Variants in PTPRN2 observed in about 807,000 individuals in gnomAD.
PTPRN2 encodes the protein protein tyrosine phosphatase receptor type N2.
A neutral mutation model predicts 118.8 loss-of-function variants in PTPRN2; 74 were observed. The observed-to-expected ratio is 0.62, with a 90% CI of 0.52 to 0.76. The LOEUF (loss-of-function observed/expected upper bound fraction) is 0.76, where lower values mean the gene tolerates loss of function less well. Ranked by LOEUF, PTPRN2 falls within the 30% of genes least tolerant of loss-of-function variation. PTPRN2 has a pLI of 0.00. For missense variants in PTPRN2, 1,481 were observed against 1,394.4 expected (o/e 1.06, Z -0.99); for synonymous variants, 641 against 608.0 (o/e 1.05, Z -0.80).
chr7:157,746,299 C>A (rs186824438), intron 12 of PTPRN2, among the ~76,000 whole-genome samples: 4 of 151,932 alleles, frequency 2.6e-5, no homozygotes, highest in African/African-American at 9.7e-5. Flanking sequence ...CTCCCCTAGA[C>A]CCTACAGTCC....
At chr7:157,917,916 T>C (rs1367162215) in intron 11 of PTPRN2, among the ~76,000 whole-genome samples, 1 of 152,194 alleles carries the variant, frequency 6.6e-6, no homozygotes, top group Non-Finnish European at 1.5e-5. Context: ...CACGATGTAA[T>C]TGGCTTTCCC....
At chr7:157,947,868 G>T (rs772171067) in intron 11 of PTPRN2, among the ~76,000 whole-genome samples, 2 of 152,232 alleles carry the variant, frequency 1.3e-5, no homozygotes, top group East Asian at 1.9e-4. Context: ...TTTTTCACCA[G>T]AAACCATGGA....
chr7:157,810,503 T>A (rs1244602088), intron 12 of PTPRN2, among the ~76,000 whole-genome samples: 1 of 105,180 alleles, frequency 9.5e-6, no homozygotes, highest in African/African-American at 3.7e-5. Context: ...AGGGTCTCCA[T>A]GGGGACGGCG....
At chr7:158,505,566 T>C (rs1822681672) in intron 1 of PTPRN2, among the ~76,000 whole-genome samples, 1 of 152,228 alleles carries the variant, frequency 6.6e-6, no homozygotes, top group Non-Finnish European at 1.5e-5. Context: ...AATCCTGAGC[T>C]GTAACACAAA....
chr7:158,019,485 C>T lies in PTPRN2; in HGVS notation c.1723+61813G>A, dbSNP rs116414968. Among the ~76,000 whole-genome samples, 298 of 152,362 alleles carry T rather than the reference C, an allele frequency of 2.0e-3. 2 individuals carry two copies. The highest frequency in any genetic ancestry group is 6.9e-3 in the African/African-American group (287 of 41,584). On this transcript the variant is annotated intron_variant, in intron 11 of 22. Transcript: ENST00000389418. ...GCGGTAGAGGCCAGGGATGGGGCTG[C>T]ACAGGATGCCCACAAGGCCTCGTGA...
intron 10 of PTPRN2, among the ~76,000 whole-genome samples, chr7:158,102,240 C>A (rs972403439): frequency 6.6e-6 from 1 of 152,214 alleles, no homozygotes; most frequent in African/African-American, 2.4e-5. Flanking sequence ...CCACGGCCTT[C>A]CACGTGCTGG....
rs1286299359 is a variant in PTPRN2, at chr7:158,340,736, G to A, written c.164-23804C>T. 1.0e-4 allele frequency among the ~76,000 whole-genome samples: 6 copies of A among 59,940 alleles called. No individual in the cohort carries two copies. The South Asian group carries it at 2.8e-3, about 28-fold the overall frequency. The allele number at this position is 59,940 out of a possible 152,430, so 39.3% of individuals were successfully genotyped here. On this transcript the variant is annotated intron_variant, in intron 2 of 22. Coordinates refer to ENST00000389418, the MANE Select transcript of PTPRN2 (RefSeq NM_002847.5). The stretch of plus-strand genomic sequence containing the variant: ...CTCACACCCACACTCACCATAAGAG[G>A]TGACACATGCAGACGTCACACACAC...
In PTPRN2 at chr7:158,440,872, TTGG is replaced by T. The variant is rs762158217; in HGVS notation, c.163+48860_163+48862del. ...GGGGGTGGTGGTGGGGGCAGTGGTA[TTGG>T]TGGTGGTGGTGAAGGTGGTGGTGGT... is the stretch of plus-strand genomic sequence containing the variant. On this transcript the variant is annotated intron_variant, in intron 2 of 22. Coordinates refer to ENST00000389418, the MANE Select transcript of PTPRN2 (RefSeq NM_002847.5). Among the ~76,000 whole-genome samples, 276 of 73,508 alleles carry T rather than the reference TTGG, an allele frequency of 3.8e-3. 1 individual carries two copies. The highest frequency in any genetic ancestry group is 0.01 in the Middle Eastern group (1 of 96). The allele number at this position is 73,508 out of a possible 152,430, so 48.2% of individuals were successfully genotyped here.
chr7:157,810,874 A>G (rs919050627), intron 12 of PTPRN2, among the ~76,000 whole-genome samples: 1 of 152,056 alleles, frequency 6.6e-6, no homozygotes, highest in African/African-American at 2.4e-5. Flanking sequence ...ACGCTTTTCC[A>G]TGAGACCCTC....
intron 12 of PTPRN2, among the ~76,000 whole-genome samples, chr7:157,723,902 G>A (rs1799381348): frequency 1.3e-5 from 2 of 152,356 alleles, no homozygotes; most frequent in Middle Eastern, 3.4e-3. Context: ...AGAGCAGAAC[G>A]TCTGGGAATC....
intron 2 of PTPRN2, among the ~76,000 whole-genome samples, chr7:158,322,429 G>A (rs1034595187): frequency 3.3e-5 from 5 of 151,738 alleles, no homozygotes; most frequent in African/African-American, 4.8e-5. Flanking sequence ...TGAGGACATC[G>A]AGGACACTCC....
At chr7:158,034,715 T>C (rs1807975718) in intron 11 of PTPRN2, among the ~76,000 whole-genome samples, 1 of 152,072 alleles carries the variant, frequency 6.6e-6, no homozygotes, top group African/African-American at 2.4e-5. Flanking sequence ...GGTGTGTGAG[T>C]GTCTCACCCT....
chr7:158,361,585 C>T (rs890007484), intron 2 of PTPRN2, among the ~76,000 whole-genome samples: 6 of 152,250 alleles, frequency 3.9e-5, no homozygotes, highest in African/African-American at 1.4e-4. Context: ...CCAAACAGCC[C>T]TCCAGAGAGA....
intron 18 of PTPRN2, 51 bp downstream of exon 18, chr7:157,577,970 C>G: frequency 6.6e-7 from 1 of 1,513,266 alleles, no homozygotes; most frequent in Non-Finnish European, 8.9e-7. Flanking sequence ...GAGCAGGGCC[C>G]GTCCTCGTCC....
intron 2 of PTPRN2, among the ~76,000 whole-genome samples, chr7:158,472,600 C>G (rs958668360): frequency 1.5e-4 from 23 of 152,174 alleles, no homozygotes; most frequent in Non-Finnish European, 2.9e-4. Context: ...AAAGCAGCCC[C>G]AGGCTAAGCT....
Position 157,776,246 on chromosome 7 carries a change from T to TCTCCGTCTCCTCCTC in PTPRN2, c.1789-93310_1789-93309insGAGGAGGAGACGGAG, listed in dbSNP as rs1554442517. Among the ~76,000 whole-genome samples, 29 of 66,360 alleles carry TCTCCGTCTCCTCCTC rather than the reference T, an allele frequency of 4.4e-4. 2 individuals are homozygous for TCTCCGTCTCCTCCTC. The South Asian group carries it at 0.021, about 47-fold the overall frequency. 43.5% of individuals were successfully genotyped at this position (66,360 alleles called of 152,430 possible). A position where few individuals can be genotyped will look rare whatever the true frequency, so the allele number is the denominator to read the frequency against. On this transcript the variant is annotated intron_variant, in intron 12 of 22. Transcript: ENST00000389418. ...TCCTCCTTCTCATCTTCCTCCCTCCTCTCCCTCTCCTCCTCCCTCCTCTTC... is the reference window on the plus strand; with the variant it reads ...TCCTCCTTCTCATCTTCCTCCCTCCTCTCCGTCTCCTCCTCCTCCCTCTCCTCCTCCCTCCTCTTC...
At chr7:158,045,871 C>A (rs1409822007) in intron 11 of PTPRN2, among the ~76,000 whole-genome samples, 1 of 148,806 alleles carries the variant, frequency 6.7e-6, no homozygotes, top group African/African-American at 2.5e-5. Flanking sequence ...CCTGATACTG[C>A]CTTGTTCTGT....
chr7:158,329,956 G>T (rs918471162), intron 2 of PTPRN2, among the ~76,000 whole-genome samples: 97 of 151,956 alleles, frequency 6.4e-4, no homozygotes, highest in Middle Eastern at 3.4e-3. Context: ...AAATCCTCAG[G>T]TCTTGTATGG....
At chr7:157,852,110 T>C (rs1809323990) in intron 12 of PTPRN2, among the ~76,000 whole-genome samples, 1 of 152,364 alleles carries the variant, frequency 6.6e-6, no homozygotes, top group South Asian at 2.1e-4. Context: ...TCTGGATTTT[T>C]AAAATACGCC....
Sources: allele counts gnomAD v4.1 joint callset (sites outside exome capture counted in the v4.1 genomes callset), GRCh38; gene constraint gnomAD v4.1.1; transcripts MANE v1.5; gene names NCBI Gene and HGNC (gene_info 2026-07-23, HGNC 2026-07-21).